The following LGR4 variants were observed in gnomAD, a reference collection of about 807,000 sequenced individuals.
LGR4 encodes leucine-rich repeat-containing G protein-coupled receptor 4.
LGR4 carries 44 observed loss-of-function variants against 84.8 expected under a neutral mutation model. The observed-to-expected ratio is 0.52, with a 90% CI of 0.41 to 0.67. LGR4 has a LOEUF of 0.67. Ranked by LOEUF, LGR4 falls within the 30% of genes least tolerant of loss-of-function variation. LGR4 has a pLI of 0.00. For synonymous variants in LGR4, 429 were observed against 434.3 expected (o/e 0.99, Z 0.15); for missense variants, 1,032 against 1,131.4 (o/e 0.91, Z 1.26).
At chr11:27,416,636 C>T (rs1226138745) in intron 1 of LGR4, among the ~76,000 whole-genome samples, 1 of 152,114 alleles carries the variant, frequency 6.6e-6, no homozygotes, top group Non-Finnish European at 1.5e-5. Flanking sequence ...AAACACAAAA[C>T]TAAACTCCAG....
chr11:27,401,351 A>G (rs1473990987), intron 2 of LGR4, among the ~76,000 whole-genome samples: 1 of 152,178 alleles, frequency 6.6e-6, no homozygotes, highest in Non-Finnish European at 1.5e-5. Context: ...TGCGTCTCCC[A>G]CTTCTTACAG....
intron 1 of LGR4, among the ~76,000 whole-genome samples, chr11:27,468,422 G>A (rs149194046): frequency 7.0e-4 from 106 of 152,266 alleles, no homozygotes; most frequent in African/African-American, 2.5e-3. Context: ...AGCTAGTCAT[G>A]CATTCTGCAA....
chr11:27,368,747 A>G lies in LGR4; in HGVS notation c.1976T>C (p.Leu659Pro). 2 of 1,613,946 alleles carry G rather than the reference A, an allele frequency of 1.2e-6. No homozygotes were observed. Among genetic ancestry groups the G allele is most frequent in the Non-Finnish European group, 1.7e-6 (2 of 1,179,950 alleles). The stretch of plus-strand genomic sequence containing the variant: ...AAGGGCAGCAACCCGGAACTGTTTG[A>G]GATGATTGCTCTTCCCATTTTTCAT... ...DIMKNGKSNH[L>P]KQFRVAALLA... The change falls in exon 18 of 18, where the codon CTC becomes CCC. Residue 659 changes from leucine (L) to proline (P), a missense_variant. Coordinates refer to ENST00000379214, the MANE Select transcript of LGR4 (RefSeq NM_018490.5).
chr11:27,431,488 G>A (rs1326372939), intron 1 of LGR4, among the ~76,000 whole-genome samples: 1 of 152,114 alleles, frequency 6.6e-6, no homozygotes, highest in African/African-American at 2.4e-5. Flanking sequence ...AAACATTCAC[G>A]GGGAGGAGAT....
chr11:27,368,487 T>A lies in LGR4; in HGVS notation c.2236A>T (p.Ile746Phe), dbSNP rs1862811961. 6.2e-6 allele frequency: 10 copies of A among 1,614,230 alleles called. No individual in the cohort carries two copies. Among genetic ancestry groups the A allele is most frequent in the Non-Finnish European group, 7.6e-6 (9 of 1,180,034 alleles). ...AAGATTAGCCAAGCGACATGCTTAA[T>A]CATGCTAGATTGTGAGTTTTCTGAG... The part of the protein sequence containing the change: ...DLSENSQSSM[I>F]KHVAWLIFTN... Residue 746 changes from isoleucine (I) to phenylalanine (F), a missense_variant, in exon 18 of 18, where the codon ATT (isoleucine) becomes TTT (phenylalanine). Transcript: ENST00000379214.
intron 2 of LGR4, among the ~76,000 whole-genome samples, chr11:27,398,560 G>A (rs943868639): frequency 5.1e-4 from 77 of 152,318 alleles, no homozygotes; most frequent in African/African-American, 1.8e-3. Context: ...GGCACATGAG[G>A]ATTCAGTGGC....
At chr11:27,392,984 T>C (rs1348117488) in intron 2 of LGR4, among the ~76,000 whole-genome samples, 2 of 152,212 alleles carry the variant, frequency 1.3e-5, no homozygotes, top group African/African-American at 2.4e-5. Flanking sequence ...GCATATCCAG[T>C]GCAAAAGAGA....
At chr11:27,373,906 T>C in intron 14 of LGR4, 69 bp downstream of exon 14, 2 of 1,165,806 alleles carry the variant, frequency 1.7e-6, no homozygotes, top group African/African-American at 3.0e-5. Flanking sequence ...GATTCGACAA[T>C]GTTAAAACAG....
chr11:27,419,611 AAATAT>A (rs1863887021), intron 1 of LGR4, among the ~76,000 whole-genome samples: 1 of 147,724 alleles, frequency 6.8e-6, no homozygotes, highest in Non-Finnish European at 1.5e-5. Context: ...TATTATATAT[AAATAT>A]AATATATAAT....
chr11:27,422,065 G>A (rs750046697), intron 1 of LGR4, among the ~76,000 whole-genome samples: 19 of 152,192 alleles, frequency 1.2e-4, no homozygotes, highest in Non-Finnish European at 2.4e-4. Flanking sequence ...ACCCTACGAT[G>A]ACAAAACAGT....
At chr11:27,410,835 A>G (rs774149192) in intron 2 of LGR4, among the ~76,000 whole-genome samples, 27 of 152,114 alleles carry the variant, frequency 1.8e-4, no homozygotes, top group Non-Finnish European at 3.7e-4. Flanking sequence ...ATATGGAGAG[A>G]ATATGACCTT....
intron 1 of LGR4, among the ~76,000 whole-genome samples, chr11:27,413,472 A>G (rs901001120): frequency 6.6e-6 from 1 of 152,226 alleles, no homozygotes; most frequent in South Asian, 2.1e-4. Flanking sequence ...ACCCAGCAAT[A>G]TAACTCAACA....
intron 2 of LGR4, among the ~76,000 whole-genome samples, chr11:27,395,193 C>T (rs1305954947): frequency 2.6e-5 from 4 of 152,114 alleles, no homozygotes; most frequent in African/African-American, 9.7e-5. Context: ...CCTGTGACTG[C>T]TCTTCCAAGT....
chr11:27,464,698 T>C (rs748300495), intron 1 of LGR4, among the ~76,000 whole-genome samples: 10 of 152,150 alleles, frequency 6.6e-5, no homozygotes, highest in Non-Finnish European at 1.2e-4. Flanking sequence ...CTGCCAAATT[T>C]ATGTCACTCT....
intron 1 of LGR4, among the ~76,000 whole-genome samples, chr11:27,443,976 T>C (rs564041794): frequency 1.3e-5 from 2 of 152,336 alleles, no homozygotes; most frequent in South Asian, 4.1e-4. Context: ...AATAACCCTG[T>C]AGCATTTTCC....
chr11:27,419,224 G>T (rs1381008204), intron 1 of LGR4, among the ~76,000 whole-genome samples: 3 of 151,994 alleles, frequency 2.0e-5, no homozygotes, highest in Non-Finnish European at 4.4e-5. Context: ...TCAATAATAA[G>T]AAAAGTCTGA....
rs567005208 is a variant in LGR4, at chr11:27,367,563, G to C, written c.*304C>G. The C allele has an allele frequency of 9.4e-6, 2 of 213,720 alleles. No individual in the cohort carries two copies. The highest frequency in any genetic ancestry group is 2.1e-4 in the East Asian group (2 of 9,638). 13.2% of individuals were successfully genotyped at this position (213,720 alleles called of 1,614,324 possible). A position where few individuals can be genotyped will look rare whatever the true frequency, so the allele number is the denominator to read the frequency against. On this transcript the variant is annotated 3_prime_UTR_variant, in exon 18 of 18. Coordinates refer to ENST00000379214, the MANE Select transcript of LGR4 (RefSeq NM_018490.5). ...TTAATACACAAATAGGTATAAATTT[G>C]CTTCTTATGGATCAGAAAAAACTAA... is the stretch of plus-strand genomic sequence containing the variant.
chr11:27,373,546 C>T lies in LGR4; in HGVS notation c.1379+5G>A, dbSNP rs767657357. On this transcript the variant is annotated splice_donor_5th_base_variant and intron_variant, in intron 15 of 17. Transcript: ENST00000379214. ...AACAAAAAAGAAAAATAAGCAAAAA[C>T]ACACCTGAGGTTAACAAAGTCTTTT... 2 of 1,522,248 alleles carry T rather than the reference C, an allele frequency of 1.3e-6. No individual in the cohort carries two copies. The highest frequency in any genetic ancestry group is 4.0e-5 in the Admixed American group (2 of 49,762). 94.3% of individuals were successfully genotyped at this position (1,522,248 alleles called of 1,614,324 possible).
intron 1 of LGR4, among the ~76,000 whole-genome samples, chr11:27,449,213 C>T (rs1864441961): frequency 1.3e-5 from 2 of 151,976 alleles, no homozygotes; most frequent in African/African-American, 4.8e-5. Context: ...TCAAGACATG[C>T]CTAAGAGTTT....
Sources: gnomAD v4.1 joint callset for allele counts (sites outside exome capture counted in the v4.1 genomes callset) on GRCh38, gnomAD v4.1.1 for gene constraint, MANE v1.5 for transcripts, NCBI Gene and HGNC (gene_info 2026-07-23, HGNC 2026-07-21) for gene names.